Variants in ANKFN1 observed in about 807,000 individuals in gnomAD.
ANKFN1 encodes the protein ankyrin repeat and fibronectin type III domain containing 1.
ANKFN1 carries 74 observed loss-of-function variants against 108.7 expected under a neutral mutation model. That is an observed-to-expected ratio of 0.68 (90% confidence interval 0.56 to 0.83). The LOEUF (loss-of-function observed/expected upper bound fraction) is 0.83. ANKFN1 is among the 40% of genes least tolerant of loss of function. ANKFN1 has a pLI of 0.00. For synonymous variants in ANKFN1, 547 were observed against 516.2 expected (o/e 1.06, Z -0.81); for missense variants, 1,505 against 1,382.3 (o/e 1.09, Z -1.41).
chr17:56,403,565 T>C (rs961929109), intron 8 of ANKFN1, among the ~76,000 whole-genome samples: 5 of 152,166 alleles, frequency 3.3e-5, no homozygotes, highest in African/African-American at 1.2e-4. Context: ...GTGAGTCTCC[T>C]GAAGGTAGCA....
intron 2 of ANKFN1, among the ~76,000 whole-genome samples, chr17:56,217,446 G>A (rs139294184): frequency 6.6e-6 from 1 of 152,322 alleles, no homozygotes; most frequent in East Asian, 1.9e-4. Flanking sequence ...GCATAGAGCA[G>A]TGGTTCTTAA....
intron 3 of ANKFN1, among the ~76,000 whole-genome samples, chr17:56,247,429 AAAAC>A (rs1484367879): frequency 6.6e-6 from 1 of 152,228 alleles, no homozygotes; most frequent in South Asian, 2.1e-4. Flanking sequence ...ACCCTAGGTA[AAAAC>A]AAACAAACAA....
At chr17:56,174,226 A>G (rs1910923229) in intron 1 of ANKFN1, 1 of 985,404 alleles carries the variant, frequency 1.0e-6, no homozygotes, top group African/African-American at 1.7e-5. Context: ...TCTCTTTGCC[A>G]GCAGCTCTTC....
chr17:56,351,094 A>C (rs2046236371), intron 5 of ANKFN1, 127 bp downstream of exon 5: 2 of 871,762 alleles, frequency 2.3e-6, no homozygotes, highest in African/African-American at 3.4e-5. Context: ...ATGCTGGAAT[A>C]GATTCAGGTA....
chr17:56,328,567 C>T (rs2045582116), intron 4 of ANKFN1, among the ~76,000 whole-genome samples: 2 of 152,156 alleles, frequency 1.3e-5, no homozygotes, highest in Non-Finnish European at 2.9e-5. Context: ...TTGCTTCATA[C>T]CTGTCTCTAA....
At chr17:56,361,191 A>G (rs2046507218) in intron 6 of ANKFN1, among the ~76,000 whole-genome samples, 1 of 152,092 alleles carries the variant, frequency 6.6e-6, no homozygotes, top group African/African-American at 2.4e-5. Flanking sequence ...TTTTAAATAT[A>G]CATGCAACAT....
chr17:56,376,163 C>T (rs1319967556), intron 8 of ANKFN1, among the ~76,000 whole-genome samples: 1 of 152,012 alleles, frequency 6.6e-6, no homozygotes, highest in South Asian at 2.1e-4. Flanking sequence ...GTGCACATGC[C>T]TTCCTTTCTC....
chr17:56,327,748 G>A (rs1003655246), intron 4 of ANKFN1, among the ~76,000 whole-genome samples: 1 of 152,200 alleles, frequency 6.6e-6, no homozygotes, highest in East Asian at 1.9e-4. Context: ...GTGGATCTCT[G>A]TTCTGCCATT....
intron 4 of ANKFN1, among the ~76,000 whole-genome samples, chr17:56,146,441 A>G (rs1908266191): frequency 6.6e-6 from 1 of 152,192 alleles, no homozygotes; most frequent in South Asian, 2.1e-4. Context: ...GAGGTTCTCC[A>G]TGAAGGCTCT....
At chr17:56,291,460 C>T (rs9911527) in intron 3 of ANKFN1, among the ~76,000 whole-genome samples, 2,332 of 152,250 alleles carry the variant, frequency 0.015, 52 homozygotes, top group African/African-American at 0.054. Flanking sequence ...ACAGAACTGA[C>T]CTTCTGATAC....
chr17:56,386,666 T>G (rs971773421), intron 8 of ANKFN1, among the ~76,000 whole-genome samples: 1 of 151,340 alleles, frequency 6.6e-6, no homozygotes, highest in African/African-American at 2.4e-5. Flanking sequence ...TGGTCTCACT[T>G]GTTCGACAAG....
chr17:56,474,312 G>C (rs2145334125), intron 15 of ANKFN1, among the ~76,000 whole-genome samples: 1 of 152,268 alleles, frequency 6.6e-6, no homozygotes, highest in Admixed American at 6.5e-5. Flanking sequence ...CTACTTTTCT[G>C]AGGTTATACA....
intron 1 of ANKFN1, among the ~76,000 whole-genome samples, chr17:56,171,586 GA>G (rs1344484591): frequency 6.6e-6 from 1 of 152,084 alleles, no homozygotes; most frequent in East Asian, 1.9e-4. Flanking sequence ...AACAGAAGGG[GA>G]AAAAAATCCA....
intron 4 of ANKFN1, among the ~76,000 whole-genome samples, chr17:56,111,359 A>G (rs1335393322): frequency 2.0e-5 from 3 of 152,024 alleles, no homozygotes; most frequent in Non-Finnish European, 4.4e-5. Context: ...ACCTGCTCAA[A>G]TGCCACTTAC....
At chr17:56,491,243 G>A (rs2051028741) in intron 18 of ANKFN1, among the ~76,000 whole-genome samples, 1 of 152,120 alleles carries the variant, frequency 6.6e-6, no homozygotes, top group Non-Finnish European at 1.5e-5. Context: ...CCAAAGCATG[G>A]AACACACTGG....
intron 4 of ANKFN1, among the ~76,000 whole-genome samples, chr17:56,122,143 G>T (rs1906662693): frequency 6.6e-6 from 1 of 152,110 alleles, no homozygotes; most frequent in African/African-American, 2.4e-5. Context: ...TCCGAGACTT[G>T]GACAGCTTTC....
chr17:56,119,609 A>G (rs929532228), intron 4 of ANKFN1, among the ~76,000 whole-genome samples: 1 of 152,202 alleles, frequency 6.6e-6, no homozygotes, highest in African/African-American at 2.4e-5. Flanking sequence ...AGAAAATGCT[A>G]AAAGAGTACT....
At chr17:56,064,755 C>G (rs1452869996) in intron 4 of ANKFN1, among the ~76,000 whole-genome samples, 2 of 152,200 alleles carry the variant, frequency 1.3e-5, no homozygotes, top group Admixed American at 6.5e-5. Flanking sequence ...GCTTGTTGCC[C>G]CTCCCCCCAG....
chr17:56,369,542 C>G (rs960129484), intron 6 of ANKFN1, among the ~76,000 whole-genome samples: 1 of 152,294 alleles, frequency 6.6e-6, no homozygotes, highest in Non-Finnish European at 1.5e-5. Context: ...ACTACACAGT[C>G]TAATATAATT....
Sources: gnomAD v4.1 joint callset for allele counts (sites outside exome capture counted in the v4.1 genomes callset) on GRCh38, gnomAD v4.1.1 for gene constraint, MANE v1.5 for transcripts, NCBI Gene and HGNC (gene_info 2026-07-23, HGNC 2026-07-21) for gene names.